PYGB: variants seen among roughly 807,000 people sequenced by gnomAD.
The protein encoded by PYGB is glycogen phosphorylase, brain form.
In PYGB, 82 loss-of-function variants were observed where a neutral mutation model predicts 94.3. The ratio of observed to expected loss-of-function variants is 0.87; its 90% CI spans 0.73 to 1.04. The LOEUF is 1.04. PYGB is among the 50% of genes least tolerant of loss of function. The pLI, the probability that PYGB is intolerant of heterozygous loss-of-function variation, is 0.00. For missense variants in PYGB, 1,132 were observed against 1,158.2 expected (o/e 0.98, Z 0.33); for synonymous variants, 488 against 479.1 (o/e 1.02, Z -0.24).
chr20:25,269,269 G>C, intron 3 of PYGB, 62 bp downstream of exon 3: 4 of 1,394,906 alleles, frequency 2.9e-6, no homozygotes, highest in Non-Finnish European at 4.0e-6. Flanking sequence ...AGGCCACGTG[G>C]TGAGGCCAGG....
intron 1 of PYGB, among the ~76,000 whole-genome samples, chr20:25,257,006 CAGAGGCTG>C (rs2092904036): frequency 6.6e-6 from 1 of 152,158 alleles, no homozygotes; most frequent in Non-Finnish European, 1.5e-5. Flanking sequence ...GTGGTCCTCT[CAGAGGCTG>C]AGTGACTTGC....
chr20:25,270,242 G>A (rs1342972792), intron 3 of PYGB, among the ~76,000 whole-genome samples: 6 of 142,388 alleles, frequency 4.2e-5, no homozygotes, highest in South Asian at 2.2e-4. Context: ...TCACTCCGTC[G>A]GCCAGGCTGG....
At chr20:25,266,382 C>T (rs561672841) in intron 2 of PYGB, among the ~76,000 whole-genome samples, 107 of 152,040 alleles carry the variant, frequency 7.0e-4, no homozygotes, top group African/African-American at 2.6e-3. Context: ...CCTCACATTA[C>T]ATACAAAAAT....
At position 25,279,150 on chromosome 20, in the gene PYGB, G is replaced by T. The variant is rs199886979; in HGVS notation, c.1092+1G>T. ...CGTGGAGAAGGTGGACTGGGACAAG[G>T]TGAGCATGGAGGAAAAGGGCGGCAC... On this transcript the variant is annotated splice_donor_variant, in intron 9 of 19. Transcript: ENST00000216962. LOFTEE classifies it high-confidence loss of function. The T allele has an allele frequency of 8.7e-6, 14 of 1,613,654 alleles. No individual in the cohort carries two copies. The highest frequency in any genetic ancestry group is 1.1e-5 in the Non-Finnish European group (13 of 1,179,756).
chr20:25,270,643 A>G (rs1283487000), intron 3 of PYGB, among the ~76,000 whole-genome samples: 1 of 152,098 alleles, frequency 6.6e-6, no homozygotes, highest in Non-Finnish European at 1.5e-5. Flanking sequence ...GACCACAGGC[A>G]TGCGTCACTA....
chr20:25,248,469 C>G, intron 1 of PYGB, 48 bp downstream of exon 1: 1 of 1,311,402 alleles, frequency 7.6e-7, no homozygotes, highest in Non-Finnish European at 9.8e-7. Context: ...GAGAGGGCGC[C>G]GGTCCCGGAG....
intron 1 of PYGB, among the ~76,000 whole-genome samples, chr20:25,255,656 G>T (rs533742190): frequency 1.3e-5 from 2 of 149,792 alleles, no homozygotes; most frequent in East Asian, 3.9e-4. Flanking sequence ...TGCTTTCCTG[G>T]GGACAGGAGG....
At chr20:25,257,666 A>T (rs1028878269) in intron 1 of PYGB, among the ~76,000 whole-genome samples, 2 of 150,576 alleles carry the variant, frequency 1.3e-5, no homozygotes, top group African/African-American at 4.8e-5. Context: ...GTCATCTCTT[A>T]AAAAAAAATA....
chr20:25,279,060 G>A lies in PYGB; in HGVS notation c.1003G>A (p.Ala335Thr). 1 of 1,611,828 alleles carries A rather than the reference G, an allele frequency of 6.2e-7. No individual in the cohort carries two copies. The highest frequency in any genetic ancestry group is 8.5e-7 in the Non-Finnish European group (1 of 1,178,270). ...TCFETFPDKVAIQLNDTHPAL... is the reference protein window; with the variant it reads ...TCFETFPDKVTIQLNDTHPAL... ...GCACCCCTTGTGCGACCTTCAGGTG[G>A]CCATCCAGCTGAACGACACCCACCC... is the stretch of plus-strand genomic sequence containing the variant. Residue 335 changes from alanine (A) to threonine (T), a missense_variant, in exon 9 of 20, where the codon GCC (alanine) becomes ACC (threonine). By Grantham distance (58) the Ala-to-Thr change is moderately conservative. Coordinates refer to ENST00000216962, the MANE Select transcript of PYGB (RefSeq NM_002862.4).
chr20:25,274,804 T>G (rs2088296710), intron 5 of PYGB, 81 bp downstream of exon 5: 2 of 1,534,126 alleles, frequency 1.3e-6, no homozygotes, highest in African/African-American at 1.4e-5. Flanking sequence ...CAGCTCAGCT[T>G]CTTTTGGCTT....
chr20:25,289,921 G>A (rs778613152), intron 15 of PYGB: 12 of 533,438 alleles, frequency 2.2e-5, no homozygotes, highest in African/African-American at 2.1e-4. Context: ...GTCCTGAAAT[G>A]TTCACTCGGG....
In PYGB at chr20:25,282,142, G is replaced by A. The variant is rs748295509; in HGVS notation, c.1513G>A (p.Val505Met). 14 of 1,610,646 alleles carry A rather than the reference G, an allele frequency of 8.7e-6. No individual in the cohort carries two copies. The highest frequency in any genetic ancestry group is 1.8e-4 in the Middle Eastern group (1 of 5,446). The change falls in exon 12 of 20, where the codon GTG becomes ATG. Residue 505 changes from valine (V) to methionine (M), a missense_variant. Transcript: ENST00000216962. ...CAACCCGGGGCTGGCCGATACCATC[G>A]TGGAGGTGAGTCCCGGGCCCCACCC... ...LCNPGLADTI[V>M]EKIGEEFLTD... is the part of the protein sequence containing the mutation.
rs2088551625 is a variant in PYGB, at chr20:25,296,652, C to T, written c.*130C>T. ...CTGAGTACCATGTTTCCAGGAGGGG[C>T]CATGGGGGTCAGGGTGGTTTTGAGA... On this transcript the variant is annotated 3_prime_UTR_variant, in exon 20 of 20. Coordinates refer to ENST00000216962, the MANE Select transcript of PYGB (RefSeq NM_002862.4). 12 of 1,232,142 alleles carry T rather than the reference C, an allele frequency of 9.7e-6. No individual in the cohort carries two copies. The highest frequency in any genetic ancestry group is 1.3e-5 in the Non-Finnish European group (12 of 903,412). 76.3% of individuals were successfully genotyped at this position (1,232,142 alleles called of 1,614,324 possible).
intron 2 of PYGB, among the ~76,000 whole-genome samples, chr20:25,261,113 T>G (rs6050493): frequency 0.065 from 9,886 of 152,240 alleles, 992 homozygotes; most frequent in African/African-American, 0.22. Context: ...CTGTGTGACA[T>G]CTTTGAAGAG....
At chr20:25,291,515 G>A (rs1356035452) in intron 16 of PYGB, among the ~76,000 whole-genome samples, 1 of 152,236 alleles carries the variant, frequency 6.6e-6, no homozygotes, top group Admixed American at 6.5e-5. Context: ...CCTGGCTGCT[G>A]CCTTGGTGTC....
intron 16 of PYGB, among the ~76,000 whole-genome samples, chr20:25,291,149 C>T (rs76578788): frequency 2.1e-4 from 32 of 152,344 alleles, no homozygotes; most frequent in African/African-American, 7.2e-4. Context: ...CTCCTCACTG[C>T]CTGCCTGCTC....
intron 4 of PYGB, among the ~76,000 whole-genome samples, chr20:25,271,935 C>G (rs2088271856): frequency 6.6e-6 from 1 of 152,208 alleles, no homozygotes; most frequent in Admixed American, 6.5e-5. Context: ...CTTCTCCCTT[C>G]ACTCCCTGAC....
At chr20:25,267,491 C>T (rs568458727) in intron 2 of PYGB, among the ~76,000 whole-genome samples, 4 of 152,038 alleles carry the variant, frequency 2.6e-5, no homozygotes, top group Non-Finnish European at 5.9e-5. Context: ...TTCAGAAGCC[C>T]ACTGCAGCAG....
chr20:25,262,502 G>A (rs997357635), intron 2 of PYGB, among the ~76,000 whole-genome samples: 2 of 152,086 alleles, frequency 1.3e-5, no homozygotes, highest in Non-Finnish European at 2.9e-5. Context: ...AGGAACAGCC[G>A]GTACCAGCCA....
Sources: allele counts gnomAD v4.1 joint callset (sites outside exome capture counted in the v4.1 genomes callset), GRCh38; gene constraint gnomAD v4.1.1; transcripts MANE v1.5; gene names NCBI Gene and HGNC (gene_info 2026-07-23, HGNC 2026-07-21).